CNTNAP2: variants seen among roughly 807,000 people sequenced by gnomAD.
The protein encoded by CNTNAP2 is contactin-associated protein-like 2.
A neutral mutation model predicts 155.2 loss-of-function variants in CNTNAP2; 98 were observed. That is an observed-to-expected ratio of 0.63 (90% confidence interval 0.54 to 0.75). The LOEUF (loss-of-function observed/expected upper bound fraction) is 0.75. Ranked by LOEUF, CNTNAP2 falls within the 30% of genes least tolerant of loss-of-function variation. CNTNAP2 has a pLI of 0.00. For synonymous variants in CNTNAP2, 651 were observed against 631.2 expected (o/e 1.03, Z -0.47); for missense variants, 1,727 against 1,688.1 (o/e 1.02, Z -0.40).
At chr7:146,739,281 C>G (rs551526470) in intron 1 of CNTNAP2, among the ~76,000 whole-genome samples, 1 of 152,004 alleles carries the variant, frequency 6.6e-6, no homozygotes, top group South Asian at 2.1e-4. Flanking sequence ...TATAAAACTT[C>G]TTAGAATGGA....
chr7:148,061,920 TATAGATAG>T (rs112163050), intron 15 of CNTNAP2, among the ~76,000 whole-genome samples: 11,432 of 125,044 alleles, frequency 0.091, 778 homozygotes, highest in South Asian at 0.16. Flanking sequence ...GATAAACAGA[TATAGATAG>T]ATAGATAGAT....
chr7:146,488,714 G>T (rs1584948321), intron 1 of CNTNAP2, among the ~76,000 whole-genome samples: 1 of 151,948 alleles, frequency 6.6e-6, no homozygotes, highest in Non-Finnish European at 1.5e-5. Flanking sequence ...TTGCAGCTTC[G>T]ACCTCCCAGG....
At chr7:147,689,005 A>G (rs1373766960) in intron 13 of CNTNAP2, among the ~76,000 whole-genome samples, 1 of 152,156 alleles carries the variant, frequency 6.6e-6, no homozygotes, top group East Asian at 1.9e-4. Context: ...ATTTTCTGTC[A>G]CAAGCTGCAT....
chr7:147,890,461 C>T (rs1209078507), intron 13 of CNTNAP2, among the ~76,000 whole-genome samples: 1 of 152,126 alleles, frequency 6.6e-6, no homozygotes, highest in East Asian at 1.9e-4. Flanking sequence ...AAATAGAACT[C>T]CCATATGATC....
At chr7:147,488,921 C>T (rs1368069540) in intron 11 of CNTNAP2, among the ~76,000 whole-genome samples, 2 of 152,228 alleles carry the variant, frequency 1.3e-5, no homozygotes, top group African/African-American at 4.8e-5. Context: ...ACGGAAGATG[C>T]TGAGAAAAAC....
chr7:147,055,808 G>A (rs1799551388), intron 4 of CNTNAP2, among the ~76,000 whole-genome samples: 2 of 152,120 alleles, frequency 1.3e-5, no homozygotes, highest in Non-Finnish European at 2.9e-5. Flanking sequence ...TCAAGGAGAA[G>A]TGGAATATGC....
intron 1 of CNTNAP2, among the ~76,000 whole-genome samples, chr7:146,285,707 TCC>T (rs1186799479): frequency 6.8e-5 from 1 of 14,646 alleles, no homozygotes; most frequent in Non-Finnish European, 1.2e-4. Flanking sequence ...TCCCCTCCCC[TCC>T]CCTCCCCTCC....
chr7:146,858,155 A>C (rs1585125307), intron 3 of CNTNAP2, among the ~76,000 whole-genome samples: 1 of 152,328 alleles, frequency 6.6e-6, no homozygotes, highest in East Asian at 1.9e-4. Context: ...CTACGGTGGC[A>C]ACTCAAGTCT....
chr7:147,406,685 T>C lies in CNTNAP2; in HGVS notation c.1670+10905T>C, dbSNP rs560906252. On this transcript the variant is annotated intron_variant, in intron 10 of 23. Coordinates refer to ENST00000361727, the MANE Select transcript of CNTNAP2 (RefSeq NM_014141.6). ...GAATCTTGTTTTGTTTACCAAATCC[T>C]GCTTACATCAAAAAGAATGTTACAT... is the stretch of plus-strand genomic sequence containing the variant. 2.0e-5 allele frequency among the ~76,000 whole-genome samples: 3 copies of C among 152,342 alleles called. No homozygotes were observed. In the East Asian group the frequency reaches 5.8e-4, roughly 29 times the overall value.
intron 20 of CNTNAP2, among the ~76,000 whole-genome samples, chr7:148,262,267 G>A (rs537100617): frequency 1.1e-4 from 17 of 152,296 alleles, no homozygotes; most frequent in African/African-American, 3.9e-4. Flanking sequence ...GAACACTAAC[G>A]TTGTTATTGA....
intron 18 of CNTNAP2, among the ~76,000 whole-genome samples, chr7:148,210,212 C>T (rs1191022534): frequency 6.6e-6 from 1 of 152,198 alleles, no homozygotes; most frequent in African/African-American, 2.4e-5. Flanking sequence ...GAGTTGGTGG[C>T]AAAGCCAGGG....
chr7:148,108,903 C>T (rs1485599683), intron 15 of CNTNAP2, among the ~76,000 whole-genome samples: 1 of 152,196 alleles, frequency 6.6e-6, no homozygotes, highest in African/African-American at 2.4e-5. Context: ...TTAATTATTT[C>T]ACTTCATATT....
intron 18 of CNTNAP2, among the ~76,000 whole-genome samples, chr7:148,179,714 GGGAGAGAAAGAAGGAGGA>G (rs905222886): frequency 6.6e-6 from 1 of 151,376 alleles, no homozygotes; most frequent in Admixed American, 6.6e-5. Flanking sequence ...AGGAGAAAGA[GGGAGAGAAAGAAGGAGGA>G]GGAGAGAAGG....
chr7:148,365,960 GTATACATGTGTGTATGCATGTATACA>G lies in CNTNAP2; in HGVS notation c.3476-17687_3476-17662del, dbSNP rs1798752291. The stretch of plus-strand genomic sequence containing the variant: ...TGCATGTATACATGCGTGTATGCAT[GTATACATGTGTGTATGCATGTATACA>G]TGTGTGTATGCATGTATGCATGTGT... On this transcript the variant is annotated intron_variant, in intron 21 of 23. Coordinates refer to ENST00000361727, the MANE Select transcript of CNTNAP2 (RefSeq NM_014141.6). Among the ~76,000 whole-genome samples the G allele has an allele frequency of 5.9e-4, 2 of 3,388 alleles. 1 individual carries two copies. The highest frequency in any genetic ancestry group is 8.0e-4 in the African/African-American group (2 of 2,486). 2.2% of individuals were successfully genotyped at this position (3,388 alleles called of 152,430 possible).
Position 148,415,497 on chromosome 7 carries a change from T to C in CNTNAP2, c.3877T>C (p.Tyr1293His), listed in dbSNP as rs748225534. 2.5e-6 allele frequency: 4 copies of C among 1,614,210 alleles called. No homozygotes were observed. The highest frequency in any genetic ancestry group is 3.4e-6 in the Non-Finnish European group (4 of 1,180,034). ...GTACATGTTCCGCCACAAGGGCACCTACCATACCAACGAAGCAAAGGGGGC... is the reference window on the plus strand; with the variant it reads ...GTACATGTTCCGCCACAAGGGCACCCACCATACCAACGAAGCAAAGGGGGC... Reference protein sequence around the residue: ...IRYMFRHKGTYHTNEAKGAES... With the variant: ...IRYMFRHKGTHHTNEAKGAES... Residue 1293 changes from tyrosine to histidine, a missense_variant, in exon 24 of 24, where the codon TAC (tyrosine) becomes CAC (histidine). By Grantham distance (83) the Tyr-to-His change is moderately conservative. Coordinates refer to ENST00000361727, the MANE Select transcript of CNTNAP2 (RefSeq NM_014141.6).
intron 9 of CNTNAP2, among the ~76,000 whole-genome samples, chr7:147,372,086 C>A (rs751152257): frequency 6.6e-6 from 1 of 152,036 alleles, no homozygotes; most frequent in Non-Finnish European, 1.5e-5. Flanking sequence ...TAAAACATTT[C>A]GAATATTTTC....
At chr7:147,224,370 A>T (rs190069709) in intron 8 of CNTNAP2, among the ~76,000 whole-genome samples, 2 of 152,330 alleles carry the variant, frequency 1.3e-5, no homozygotes, top group East Asian at 3.9e-4. Flanking sequence ...CACAATATCA[A>T]AATGTTAGGG....
chr7:147,194,695 A>T (rs1157999194), intron 8 of CNTNAP2, among the ~76,000 whole-genome samples: 1 of 151,956 alleles, frequency 6.6e-6, no homozygotes, highest in Non-Finnish European at 1.5e-5. Context: ...GCTTTTTTTC[A>T]TATGTTTGTT....
In CNTNAP2 at chr7:148,280,480, A is replaced by G. The variant is rs1796953107; in HGVS notation, c.3475+13354A>G. On this transcript the variant is annotated intron_variant, in intron 21 of 23. Transcript: ENST00000361727. Reference sequence around the variant, plus strand: ...AAGATCATTGGATCATATCAATGTTAATATCCTGATGGTGACACTGTACTC... The same window carrying G: ...AAGATCATTGGATCATATCAATGTTGATATCCTGATGGTGACACTGTACTC... Among the ~76,000 whole-genome samples the G allele has an allele frequency of 2.6e-5, 4 of 152,204 alleles. No individual in the cohort carries two copies. The South Asian group carries it at 8.3e-4, about 32-fold the overall frequency.
Sources: allele counts gnomAD v4.1 joint callset (sites outside exome capture counted in the v4.1 genomes callset), GRCh38; gene constraint gnomAD v4.1.1; transcripts MANE v1.5; gene names NCBI Gene and HGNC (gene_info 2026-07-23, HGNC 2026-07-21).